The following CCL17 variants were observed in gnomAD, a reference collection of about 807,000 sequenced individuals.
CCL17 encodes the protein C-C motif chemokine 17.
CCL17 carries 8 observed loss-of-function variants against 7.4 expected under a neutral mutation model. That is an observed-to-expected ratio of 1.09 (90% CI 0.64 to 1.96). CCL17 has a LOEUF of 1.96. Ranked by LOEUF, CCL17 falls within the 30% of genes most tolerant of loss-of-function variation. The pLI, the probability that CCL17 is intolerant of heterozygous loss-of-function variation, is 0.00. For synonymous variants in CCL17, 40 were observed against 46.1 expected, an observed-to-expected ratio of 0.87 and a Z score of 0.54; for missense variants, 102 against 113.0, an observed-to-expected ratio of 0.90 and a Z score of 0.44.
chr16:57,397,944 C>T, the CCL17 span, among the ~76,000 whole-genome samples: 1 of 152,174 alleles, frequency 6.6e-6, no homozygotes, highest in Non-Finnish European at 1.5e-5. Flanking sequence ...TCAGGATTAG[C>T]TAAGGGGACT....
At chr16:57,402,246 CGACG>C (rs199529760), upstream of CCL17, among the ~76,000 whole-genome samples, 1,103 of 152,296 alleles carry the variant, frequency 7.2e-3, 17 homozygotes, top group African/African-American at 0.025. Flanking sequence ...TGGCATTGTG[CGACG>C]TGTCAAATCT....
upstream of CCL17, among the ~76,000 whole-genome samples, chr16:57,400,102 G>A (rs1375096691): frequency 6.6e-6 from 1 of 152,238 alleles, no homozygotes; most frequent in Non-Finnish European, 1.5e-5. Flanking sequence ...GCTCACGCCT[G>A]TAATCCCAGC....
Position 57,415,064 on chromosome 16 carries a change from C to T in CCL17, c.71-17C>T, listed in dbSNP as rs377047092. The T allele has an allele frequency of 1.5e-5, 23 of 1,568,436 alleles. No individual in the cohort carries two copies. Among genetic ancestry groups the T allele is most frequent in the South Asian group, 2.2e-5 (2 of 90,186 alleles). On this transcript the variant is annotated splice_polypyrimidine_tract_variant and intron_variant, in intron 2 of 3. Transcript: ENST00000219244. The surrounding 1 kb of genome is among the most constrained non-coding windows in gnomAD (Gnocchi z 4.5). ...CAGACACTCACAGACACCCCTGCCC[C>T]GCTCCTCTCCCTGCAGCTCGAGGGA...
chr16:57,403,020 C>CAAA (rs532901212), upstream of CCL17, among the ~76,000 whole-genome samples: 3 of 56,746 alleles, frequency 5.3e-5, no homozygotes, highest in African/African-American at 1.1e-4. Flanking sequence ...AGCATTTCAG[C>CAAA]AAAAAAAAAA....
upstream of CCL17, among the ~76,000 whole-genome samples, chr16:57,403,576 A>AT (rs1902645678): frequency 1.8e-5 from 1 of 55,260 alleles, no homozygotes; most frequent in Non-Finnish European, 3.2e-5. Flanking sequence ...ATATATTTAT[A>AT]ATATATATAA....
chr16:57,411,809 T>C (rs1218278182), intron 1 of CCL17, among the ~76,000 whole-genome samples: 1 of 152,226 alleles, frequency 6.6e-6, no homozygotes, highest in Non-Finnish European at 1.5e-5. Context: ...CCTGCACACC[T>C]TCCCCTGCCC....
chr16:57,413,868 C>T lies in CCL17; in HGVS notation c.-59-6C>T. ...ATAGGTCACTGCCACCCTCGACTCT[C>T]AGCAGGGTGTCTCCCTGAGCAGAGG... is the stretch of plus-strand genomic sequence containing the variant. On this transcript the variant is annotated splice_polypyrimidine_tract_variant and splice_region_variant and intron_variant, in intron 1 of 3. Transcript: ENST00000219244. 6.9e-7 allele frequency: 1 copy of T among 1,451,986 alleles called. No homozygotes were observed. Among genetic ancestry groups the T allele is most frequent in the Non-Finnish European group, 9.4e-7 (1 of 1,061,232 alleles). 89.9% of individuals were successfully genotyped at this position (1,451,986 alleles called of 1,614,324 possible).
chr16:57,403,663 T>TA, upstream of CCL17, among the ~76,000 whole-genome samples: 1 of 92,276 alleles, frequency 1.1e-5, no homozygotes, highest in African/African-American at 4.5e-5. Flanking sequence ...TATATATATA[T>TA]ATATATTTTT....
At chr16:57,411,033 C>A (rs1407766147) in intron 1 of CCL17, among the ~76,000 whole-genome samples, 1 of 152,210 alleles carries the variant, frequency 6.6e-6, no homozygotes, top group African/African-American at 2.4e-5. Context: ...CCTCTCTGCA[C>A]CTTTGCCTAA....
At chr16:57,398,333 C>T in the CCL17 span, among the ~76,000 whole-genome samples, 65 of 152,150 alleles carry the variant, frequency 4.3e-4, no homozygotes, top group Non-Finnish European at 7.8e-4. Context: ...GGTTATTCCT[C>T]GAGTCTGAGT....
At chr16:57,406,820 A>G (rs1235346154) in intron 1 of CCL17, among the ~76,000 whole-genome samples, 1 of 152,214 alleles carries the variant, frequency 6.6e-6, no homozygotes, top group African/African-American at 2.4e-5. Flanking sequence ...AATCGCTGTT[A>G]GTCACACAAC....
upstream of CCL17, among the ~76,000 whole-genome samples, chr16:57,403,951 C>G (rs900553258): frequency 4.6e-5 from 7 of 151,868 alleles, no homozygotes. Flanking sequence ...GCCACCACGC[C>G]CGGCCTAAAA....
chr16:57,408,622 G>T (rs1330532165), intron 1 of CCL17, among the ~76,000 whole-genome samples: 1 of 151,946 alleles, frequency 6.6e-6, no homozygotes, highest in Non-Finnish European at 1.5e-5. Flanking sequence ...AGGAGGGAGT[G>T]CAGTGGTGTG....
At chr16:57,407,121 G>A (rs1902707973) in intron 1 of CCL17, among the ~76,000 whole-genome samples, 6 of 152,174 alleles carry the variant, frequency 3.9e-5, no homozygotes. Context: ...AGCATGCGAG[G>A]GTGTTGAAGT....
At chr16:57,400,148 A>G (rs1203895532), upstream of CCL17, among the ~76,000 whole-genome samples, 2 of 152,040 alleles carry the variant, frequency 1.3e-5, no homozygotes, top group Non-Finnish European at 2.9e-5. Flanking sequence ...TCACGAGGTC[A>G]GGAGATCGAG....
At chr16:57,414,940 G>A in intron 2 of CCL17, 141 bp from the exon 3 acceptor site, 2 of 693,728 alleles carry the variant, frequency 2.9e-6, no homozygotes, top group Non-Finnish European at 5.3e-6. Flanking sequence ...ATACACATAG[G>A]CAGTGATACA....
At chr16:57,409,303 C>T (rs560643793) in intron 1 of CCL17, among the ~76,000 whole-genome samples, 5 of 152,218 alleles carry the variant, frequency 3.3e-5, no homozygotes, top group African/African-American at 7.2e-5. Context: ...ACAGCTTGTA[C>T]GAAGGCTTGG....
At chr16:57,397,347 G>T in the CCL17 span, among the ~76,000 whole-genome samples, 2 of 152,194 alleles carry the variant, frequency 1.3e-5, no homozygotes, top group Non-Finnish European at 2.9e-5. Context: ...TCCACTGGCT[G>T]CCCTCTTCTG....
chr16:57,400,480 CTT>C (rs1414176929), upstream of CCL17, among the ~76,000 whole-genome samples: 2 of 145,290 alleles, frequency 1.4e-5, no homozygotes, highest in African/African-American at 2.5e-5. Context: ...TTCTTTGACA[CTT>C]TTTTTTTTTT....
Sources: gnomAD v4.1 joint callset for allele counts (sites outside exome capture counted in the v4.1 genomes callset) on GRCh38, gnomAD v4.1.1 for gene constraint, Gnocchi (gnomAD v3.1) non-coding constraint, MANE v1.5 for transcripts, NCBI Gene and HGNC (gene_info 2026-07-23, HGNC 2026-07-21) for gene names.